Variants in RANBP2 observed in about 807,000 individuals in gnomAD.
RANBP2 encodes E3 SUMO-protein ligase RanBP2.
A neutral mutation model predicts 303.6 loss-of-function variants in RANBP2; 57 were observed. The observed-to-expected ratio is 0.19, with a 90% CI of 0.15 to 0.23. The LOEUF (loss-of-function observed/expected upper bound fraction) is 0.23. Among genes scored for constraint, RANBP2 ranks in the 10% least tolerant of loss-of-function variants. The pLI, the probability that RANBP2 is intolerant of heterozygous loss-of-function variation, is 1.00. For missense variants in RANBP2, 3,138 were observed against 3,780.8 expected, an observed-to-expected ratio of 0.83 and a Z score of 4.46; for synonymous variants, 1,167 against 1,301.5, an observed-to-expected ratio of 0.90 and a Z score of 2.23.
chr2:108,744,667 TAA>T (rs1407390692), intron 7 of RANBP2, among the ~76,000 whole-genome samples: 1 of 152,242 alleles, frequency 6.6e-6, no homozygotes, highest in Non-Finnish European at 1.5e-5. Flanking sequence ...TGAATATTTC[TAA>T]AATTCAAAAT....
the RANBP2 span, among the ~76,000 whole-genome samples, chr2:109,261,228 C>T: frequency 1.3e-5 from 2 of 152,078 alleles, no homozygotes; most frequent in Admixed American, 6.5e-5. Context: ...AAAGCGAGGG[C>T]CCTGGCTGAT....
chr2:108,887,342 C>T, the RANBP2 span, among the ~76,000 whole-genome samples: 1 of 152,034 alleles, frequency 6.6e-6, no homozygotes, highest in Non-Finnish European at 1.5e-5. Context: ...TCTTTTCGTT[C>T]AGGATGACTT....
the RANBP2 span, among the ~76,000 whole-genome samples, chr2:109,071,490 A>G: frequency 6.6e-6 from 1 of 152,164 alleles, no homozygotes; most frequent in South Asian, 2.1e-4. Context: ...CCTGGCCAAC[A>G]TGGTGAAACT....
At chr2:109,314,180 G>A in the RANBP2 span, among the ~76,000 whole-genome samples, 39 of 152,190 alleles carry the variant, frequency 2.6e-4, 1 homozygote, top group Non-Finnish European at 2.9e-5. Flanking sequence ...CGGGAGACCA[G>A]CGGGTGGGTG....
At chr2:108,881,115 A>T in the RANBP2 span, among the ~76,000 whole-genome samples, 1 of 152,346 alleles carries the variant, frequency 6.6e-6, no homozygotes, top group South Asian at 2.1e-4. Context: ...TGGTCTTCCA[A>T]TAGAAGGCTG....
At chr2:109,645,504 G>A in the RANBP2 span, among the ~76,000 whole-genome samples, 2 of 152,184 alleles carry the variant, frequency 1.3e-5, no homozygotes, top group Non-Finnish European at 2.9e-5. Context: ...TCCTCAGTTT[G>A]CTTCTGAAAG....
the RANBP2 span, among the ~76,000 whole-genome samples, chr2:109,090,921 A>G: frequency 6.6e-6 from 1 of 152,172 alleles, no homozygotes; most frequent in Non-Finnish European, 1.5e-5. Context: ...ACCTGCCATC[A>G]GATGTTCCTT....
chr2:108,910,386 G>A, the RANBP2 span: 1 of 1,243,394 alleles, frequency 8.0e-7, no homozygotes, highest in Non-Finnish European at 1.2e-6. Flanking sequence ...TCACTCGGCT[G>A]CACCCTGGTT....
chr2:109,444,766 CAG>C, the RANBP2 span, among the ~76,000 whole-genome samples: 1 of 152,156 alleles, frequency 6.6e-6, no homozygotes, highest in African/African-American at 2.4e-5. Flanking sequence ...GCCGCAAGCT[CAG>C]GGTGAGCTGG....
chr2:109,654,271 G>C, the RANBP2 span, among the ~76,000 whole-genome samples: 5 of 151,886 alleles, frequency 3.3e-5, no homozygotes, highest in Non-Finnish European at 5.9e-5. Context: ...CAAGGCTGAA[G>C]GCTGAACTCA....
the RANBP2 span, among the ~76,000 whole-genome samples, chr2:109,262,241 A>T: frequency 1.3e-5 from 2 of 152,230 alleles, no homozygotes; most frequent in Non-Finnish European, 2.9e-5. Flanking sequence ...TAACCATCTG[A>T]GGCTTGAAAG....
the RANBP2 span, among the ~76,000 whole-genome samples, chr2:109,176,605 C>T: frequency 7.2e-5 from 11 of 152,088 alleles, no homozygotes; most frequent in Admixed American, 2.6e-4. Context: ...GGTGTGGTGG[C>T]ACATGCCTGT....
the RANBP2 span, among the ~76,000 whole-genome samples, chr2:109,702,792 T>C: frequency 7.4e-5 from 10 of 134,298 alleles, no homozygotes; most frequent in Admixed American, 8.8e-4. Context: ...ATTCTTTGGG[T>C]TCTGAATCAG....
At chr2:109,126,282 G>A in the RANBP2 span, among the ~76,000 whole-genome samples, 3 of 152,224 alleles carry the variant, frequency 2.0e-5, no homozygotes, top group Non-Finnish European at 4.4e-5. Context: ...AGAGAAGAAA[G>A]CTGGGAAAGG....
At chr2:109,052,539 C>A in the RANBP2 span, among the ~76,000 whole-genome samples, 1 of 152,282 alleles carries the variant, frequency 6.6e-6, no homozygotes, top group South Asian at 2.1e-4. Context: ...TAAATGTCTT[C>A]TGGGGCAAAT....
chr2:108,846,994 C>A, the RANBP2 span: 1 of 881,532 alleles, frequency 1.1e-6, no homozygotes, highest in Non-Finnish European at 1.8e-6. Flanking sequence ...TATATTAAAG[C>A]AATTCTTTTA....
At chr2:109,187,855 C>T in the RANBP2 span, among the ~76,000 whole-genome samples, 30 of 152,336 alleles carry the variant, frequency 2.0e-4, 1 homozygote, top group South Asian at 2.9e-3. Flanking sequence ...CTTATCAGCA[C>T]GGACTGGGTG....
chr2:109,095,352 T>G, the RANBP2 span, among the ~76,000 whole-genome samples: 1 of 152,230 alleles, frequency 6.6e-6, no homozygotes, highest in Non-Finnish European at 1.5e-5. Context: ...ATACAATGTG[T>G]AGGGAAAATA....
At chr2:109,006,813 C>G in the RANBP2 span, among the ~76,000 whole-genome samples, 2 of 152,178 alleles carry the variant, frequency 1.3e-5, no homozygotes, top group Non-Finnish European at 2.9e-5. Flanking sequence ...TCCTCCTAAA[C>G]CTTCTTAGGG....
Sources: allele counts gnomAD v4.1 joint callset (sites outside exome capture counted in the v4.1 genomes callset), GRCh38; gene constraint gnomAD v4.1.1; transcripts MANE v1.5; gene names NCBI Gene and HGNC (gene_info 2026-07-23, HGNC 2026-07-21).